Variants in OCA2 observed in about 807,000 individuals in gnomAD.
The protein encoded by OCA2 is OCA2 melanosomal transmembrane protein, also known as P protein.
In OCA2, 77 loss-of-function variants were observed where a neutral mutation model predicts 100.2. That is an observed-to-expected ratio of 0.77 (90% CI 0.64 to 0.93). The LOEUF (loss-of-function observed/expected upper bound fraction) is 0.93. OCA2 is among the 40% of genes least tolerant of loss of function. The probability of loss-of-function intolerance (pLI) is 0.00; values close to 1 mark genes in which losing one functional copy is unlikely to be tolerated. For synonymous variants in OCA2, 432 were observed against 439.2 expected, an observed-to-expected ratio of 0.98 and a Z score of 0.21; for missense variants, 1,062 against 1,089.1, an observed-to-expected ratio of 0.98 and a Z score of 0.35.
chr15:27,814,065 A>G (rs2034183346), intron 23 of OCA2, among the ~76,000 whole-genome samples: 1 of 152,220 alleles, frequency 6.6e-6, no homozygotes, highest in South Asian at 2.1e-4. Context: ...ATTCTCTGAA[A>G]TATACAATTA....
chr15:27,920,335 C>T lies in OCA2; in HGVS notation c.2079+5792G>A, dbSNP rs143643571. Among the ~76,000 whole-genome samples, 454 of 152,192 alleles carry T rather than the reference C, an allele frequency of 3.0e-3. 5 individuals carry two copies. Among genetic ancestry groups the T allele is most frequent in the African/African-American group, 0.01 (427 of 41,532 alleles). The stretch of plus-strand genomic sequence containing the variant: ...AGAGCTGGAGTAACTATGCTAACAT[C>T]AGACAAAACTGACCTTAAGACAAAA... On this transcript the variant is annotated intron_variant, in intron 19 of 23. Transcript: ENST00000354638.
At chr15:27,902,621 C>T (rs1164200795) in intron 19 of OCA2, among the ~76,000 whole-genome samples, 2 of 152,178 alleles carry the variant, frequency 1.3e-5, no homozygotes, top group African/African-American at 4.8e-5. Flanking sequence ...GGGGCCTCTC[C>T]TGGCAGTGAC....
At chr15:28,004,938 A>T (rs758771464) in intron 9 of OCA2, among the ~76,000 whole-genome samples, 3 of 152,196 alleles carry the variant, frequency 2.0e-5, no homozygotes, top group Non-Finnish European at 4.4e-5. Flanking sequence ...CAAGGCCATC[A>T]GACTGTGGGG....
chr15:27,944,590 G>A (rs987204235), intron 18 of OCA2, among the ~76,000 whole-genome samples: 46 of 152,250 alleles, frequency 3.0e-4, no homozygotes, highest in African/African-American at 1.1e-3. Flanking sequence ...TTGCATGTTT[G>A]AGACTGATGG....
At position 27,901,673 on chromosome 15, in the gene OCA2, T is replaced by A. The variant is rs1038618945; in HGVS notation, c.2079+24454A>T. 4.6e-5 allele frequency among the ~76,000 whole-genome samples: 7 copies of A among 152,336 alleles called. No individual in the cohort carries two copies. In the East Asian group the frequency reaches 1.3e-3, roughly 29 times the overall value. Reference sequence around the variant, plus strand: ...CATGACTGTTTCAAGAGGAAAAAGATAGACAATAACCTAAATGTCAACAAA... The same window carrying A: ...CATGACTGTTTCAAGAGGAAAAAGAAAGACAATAACCTAAATGTCAACAAA... On this transcript the variant is annotated intron_variant, in intron 19 of 23. Transcript: ENST00000354638.
chr15:27,943,462 T>C (rs889537212), intron 18 of OCA2, among the ~76,000 whole-genome samples: 10 of 152,150 alleles, frequency 6.6e-5, no homozygotes, highest in Non-Finnish European at 1.3e-4. Flanking sequence ...TTGTCTTTTG[T>C]GGGGAAAATC....
chr15:28,081,386 C>T (rs1299784830), intron 2 of OCA2, among the ~76,000 whole-genome samples: 1 of 152,120 alleles, frequency 6.6e-6, no homozygotes, highest in Non-Finnish European at 1.5e-5. Context: ...AATTGCAATA[C>T]TTTAAATAAT....
Position 27,957,491 on chromosome 15 carries a change from A to T in OCA2, c.1784+97T>A, listed in dbSNP as rs2040262213. ...TTAGCACAGTGTGCGTCACCTAAATATCACGTATTAGTATACAGCTAATGT... is the reference window on the plus strand; with the variant it reads ...TTAGCACAGTGTGCGTCACCTAAATTTCACGTATTAGTATACAGCTAATGT... On this transcript the variant is annotated intron_variant, in intron 16 of 23. Coordinates refer to ENST00000354638, the MANE Select transcript of OCA2 (RefSeq NM_000275.3). The surrounding 1 kb of genome is among the most constrained non-coding windows in gnomAD (Gnocchi z 4.3). 1 of 1,403,008 alleles carries T rather than the reference A, an allele frequency of 7.1e-7. No individual in the cohort carries two copies. The highest frequency in any genetic ancestry group is 1.7e-5 in the Admixed American group (1 of 59,564). The allele number at this position is 1,403,008 out of a possible 1,614,324, so 86.9% of individuals were successfully genotyped here.
chr15:27,940,697 G>A (rs1451720374), intron 18 of OCA2, among the ~76,000 whole-genome samples: 1 of 152,210 alleles, frequency 6.6e-6, no homozygotes, highest in Non-Finnish European at 1.5e-5. Flanking sequence ...TGGTCTGTTT[G>A]CAAACGTTGA....
chr15:27,784,711 G>A (rs1382922476), intron 23 of OCA2, among the ~76,000 whole-genome samples: 3 of 152,186 alleles, frequency 2.0e-5, no homozygotes, highest in South Asian at 2.1e-4. Flanking sequence ...GCCTTTGACC[G>A]GCTCACTATA....
intron 23 of OCA2, among the ~76,000 whole-genome samples, chr15:27,766,296 A>C (rs1025793229): frequency 1.3e-5 from 2 of 152,230 alleles, no homozygotes; most frequent in African/African-American, 4.8e-5. Context: ...TAAATAAAAA[A>C]ATCCAGTATG....
chr15:27,742,742 A>G, the OCA2 span, among the ~76,000 whole-genome samples: 7 of 152,334 alleles, frequency 4.6e-5, no homozygotes, highest in Admixed American at 3.9e-4. Context: ...CTCTCTTTAT[A>G]TGTATGATAG....
intron 14 of OCA2, among the ~76,000 whole-genome samples, chr15:27,973,582 A>G (rs987443595): frequency 1.3e-5 from 2 of 152,306 alleles, no homozygotes; most frequent in South Asian, 4.1e-4. Flanking sequence ...TGGTTACTAT[A>G]GCCTTTTAGT....
intron 15 of OCA2, among the ~76,000 whole-genome samples, chr15:27,965,728 G>T (rs1260413203): frequency 3.3e-5 from 5 of 152,210 alleles, no homozygotes; most frequent in Non-Finnish European, 4.4e-5. Flanking sequence ...CATCTGCTGA[G>T]CTCTGGTCGC....
At chr15:27,828,493 T>C (rs2034821482) in intron 23 of OCA2, among the ~76,000 whole-genome samples, 2 of 152,194 alleles carry the variant, frequency 1.3e-5, no homozygotes, top group South Asian at 2.1e-4. Flanking sequence ...GCAGAGCATT[T>C]TGGAAAGAGG....
At chr15:27,963,737 A>G (rs1313608404) in intron 15 of OCA2, among the ~76,000 whole-genome samples, 1 of 152,046 alleles carries the variant, frequency 6.6e-6, no homozygotes, top group African/African-American at 2.4e-5. Flanking sequence ...GCCTGAAAGT[A>G]AGCAGAAAAA....
chr15:28,018,225 T>A (rs112903033), intron 7 of OCA2, among the ~76,000 whole-genome samples, 172 bp downstream of exon 7: 3 of 151,352 alleles, frequency 2.0e-5, no homozygotes, highest in African/African-American at 7.3e-5. Flanking sequence ...AATAGAGAAA[T>A]GGTAAAAAGA....
At chr15:27,922,262 G>A (rs137862535) in intron 19 of OCA2, among the ~76,000 whole-genome samples, 36 of 152,262 alleles carry the variant, frequency 2.4e-4, no homozygotes, top group African/African-American at 6.3e-4. Context: ...TGTCATCCAC[G>A]GTTTAAGCAT....
intron 19 of OCA2, among the ~76,000 whole-genome samples, chr15:27,887,191 C>T (rs567089032): frequency 1.3e-5 from 2 of 152,268 alleles, no homozygotes; most frequent in African/African-American, 4.8e-5. Context: ...TCCATTAAAC[C>T]TCTTTCCTTT....
Sources: allele counts gnomAD v4.1 joint callset (sites outside exome capture counted in the v4.1 genomes callset), GRCh38; gene constraint gnomAD v4.1.1; non-coding constraint Gnocchi (gnomAD v3.1); transcripts MANE v1.5; gene names NCBI Gene and HGNC (gene_info 2026-07-23, HGNC 2026-07-21).